RPS6KA1: variants seen among roughly 807,000 people sequenced by gnomAD.
The protein encoded by RPS6KA1 is ribosomal protein S6 kinase alpha-1.
A neutral mutation model predicts 91.3 loss-of-function variants in RPS6KA1; 48 were observed. The ratio of observed to expected loss-of-function variants is 0.53; its 90% CI spans 0.42 to 0.67. The LOEUF (loss-of-function observed/expected upper bound fraction) is 0.67, where lower values mean the gene tolerates loss of function less well. Ranked by LOEUF, RPS6KA1 falls within the 30% of genes least tolerant of loss-of-function variation. RPS6KA1 has a pLI of 0.00. For missense variants in RPS6KA1, 719 were observed against 960.5 expected (o/e 0.75, Z 3.32); for synonymous variants, 359 against 384.7 (o/e 0.93, Z 0.78).
intron 1 of RPS6KA1, chr1:26,530,806 A>G (rs1040532683): frequency 1.6e-6 from 2 of 1,288,388 alleles, no homozygotes; most frequent in Non-Finnish European, 2.0e-6. Flanking sequence ...GCAGAAGGCC[A>G]CCTCTTCCTG....
chr1:26,572,430 G>A, intron 20 of RPS6KA1, 137 bp downstream of exon 20: 1 of 649,768 alleles, frequency 1.5e-6, no homozygotes, highest in Admixed American at 2.3e-5. Context: ...ATTTCTCCAA[G>A]CGGAAGATTC....
intron 2 of RPS6KA1, chr1:26,544,308 T>A: frequency 4.6e-6 from 2 of 431,550 alleles, no homozygotes; most frequent in South Asian, 3.3e-5. Flanking sequence ...TGGGTACATG[T>A]CACATGTTAG....
intron 17 of RPS6KA1, among the ~76,000 whole-genome samples, chr1:26,569,353 A>G (rs557053035): frequency 6.6e-6 from 1 of 152,234 alleles, no homozygotes; most frequent in Non-Finnish European, 1.5e-5. Flanking sequence ...AGCCAAGCTG[A>G]GCATCCCTGA....
At chr1:26,559,489 C>G (rs935572878) in intron 14 of RPS6KA1, among the ~76,000 whole-genome samples, 4 of 152,048 alleles carry the variant, frequency 2.6e-5, no homozygotes, top group African/African-American at 9.7e-5. Flanking sequence ...GCCTCAGTCT[C>G]CCGAATAGCT....
chr1:26,573,281 G>T lies in RPS6KA1; in HGVS notation c.2005G>T (p.Val669Phe), dbSNP rs749631549. Residue 669 changes from valine (V) to phenylalanine (F), a missense_variant, in exon 21 of 22, where the codon GTT (valine) becomes TTT (phenylalanine). Transcript: ENST00000374168. ...CCACCAGCGCCTCACAGCTAAGCAGGTTCTGCAGCATCCATGGGTCACCCA... is the reference window on the plus strand; with the variant it reads ...CCACCAGCGCCTCACAGCTAAGCAGTTTCTGCAGCATCCATGGGTCACCCA... ...DPHQRLTAKQ[V>F]LQHPWVTQKD... is the part of the protein sequence containing the mutation. 2 of 1,614,094 alleles carry T rather than the reference G, an allele frequency of 1.2e-6. No individual in the cohort carries two copies. Among genetic ancestry groups the T allele is most frequent in the Non-Finnish European group, 1.7e-6 (2 of 1,180,042 alleles).
chr1:26,537,394 C>T (rs376239626), intron 2 of RPS6KA1, among the ~76,000 whole-genome samples: 5 of 152,200 alleles, frequency 3.3e-5, no homozygotes, highest in South Asian at 4.1e-4. Flanking sequence ...TGCTGGTGGC[C>T]GCTCAAGGCT....
intron 1 of RPS6KA1, chr1:26,530,679 G>C: frequency 8.6e-7 from 1 of 1,163,162 alleles, no homozygotes; most frequent in Non-Finnish European, 1.1e-6. Context: ...GGAAGGGCTG[G>C]GCCCTTGGGG....
chr1:26,555,774 C>A lies in RPS6KA1; in HGVS notation c.916+149C>A, dbSNP rs1320178012. On this transcript the variant is annotated intron_variant, in intron 11 of 21. Transcript: ENST00000374168. This position sits in a 1 kb window ranked among gnomAD's most constrained non-coding sequence, Gnocchi z 4.3. Reference sequence around the variant, plus strand: ...CGCGGGCCACCCTGCTTTCTGGCTCCATGTGTGGTGTTGTGGAGGGGGGAG... The same window carrying A: ...CGCGGGCCACCCTGCTTTCTGGCTCAATGTGTGGTGTTGTGGAGGGGGGAG... 5.2e-6 allele frequency: 4 copies of A among 774,538 alleles called. No homozygotes were observed. Among genetic ancestry groups the A allele is most frequent in the Non-Finnish European group, 8.7e-6 (4 of 459,542 alleles). The allele number at this position is 774,538 out of a possible 1,614,324, so 48.0% of individuals were successfully genotyped here.
At chr1:26,543,177 G>C in intron 2 of RPS6KA1, 1 of 1,535,724 alleles carries the variant, frequency 6.5e-7, no homozygotes, top group African/African-American at 1.4e-5. Flanking sequence ...GACCCCAGCA[G>C]ATTTCCCCAG....
At position 26,551,334 on chromosome 1, in the gene RPS6KA1, G is replaced by C; in HGVS notation, c.308-63G>C. The C allele has an allele frequency of 7.0e-7, 1 of 1,425,254 alleles. No homozygotes were observed. Among genetic ancestry groups the C allele is most frequent in the East Asian group, 2.3e-5 (1 of 43,652 alleles). The allele number at this position is 1,425,254 out of a possible 1,614,324, so 88.3% of individuals were successfully genotyped here. The stretch of plus-strand genomic sequence containing the variant: ...AAGTGGAAAAGAGATCCCTTAGCGG[G>C]GGCTTGGGAGTGGCTGTGTTGAGTG... On this transcript the variant is annotated intron_variant, in intron 4 of 21. Coordinates refer to ENST00000374168, the MANE Select transcript of RPS6KA1 (RefSeq NM_002953.4). This position sits in a 1 kb window ranked among gnomAD's most constrained non-coding sequence, Gnocchi z 4.5.
In RPS6KA1 at chr1:26,558,810, C is replaced by A; in HGVS notation, c.1088C>A (p.Ser363Tyr). The A allele has an allele frequency of 6.2e-7, 1 of 1,607,820 alleles. No individual in the cohort carries two copies. Among genetic ancestry groups the A allele is most frequent in the Non-Finnish European group, 8.5e-7 (1 of 1,175,054 alleles). Residue 363 changes from serine (S) to tyrosine (Y), a missense_variant, in exon 14 of 22, where the codon TCC (serine) becomes TAC (tyrosine). Physicochemically the swap from Ser to Tyr is moderately radical, Grantham distance 144. Around this residue, in one of 5 missense-constraint regions of RPS6KA1, gnomAD observed 228 missense variants for 247.6 expected, o/e 0.92. Transcript: ENST00000374168. This position sits in a 1 kb window ranked among gnomAD's most constrained non-coding sequence, Gnocchi z 4.0. The stretch of plus-strand genomic sequence containing the variant: ...CATTCTCCTTCCATCCGTACAGATT[C>A]CCCAGGCATCCCCCCCAGCGCTGGG... ...TEFTSRTPKDSPGIPPSAGAH... is the reference protein window; with the variant it reads ...TEFTSRTPKDYPGIPPSAGAH...
At chr1:26,553,954 T>C (rs1320500665) in intron 7 of RPS6KA1, 3 of 439,294 alleles carry the variant, frequency 6.8e-6, no homozygotes, top group Non-Finnish European at 1.2e-5. Context: ...GCTACTTAAC[T>C]GCCCTGAGCC....
intron 2 of RPS6KA1, chr1:26,546,080 G>A: frequency 6.3e-7 from 1 of 1,593,278 alleles, no homozygotes; most frequent in Non-Finnish European, 8.5e-7. Context: ...TGTGTCCCTT[G>A]CAGCAGGTGC....
chr1:26,573,117 C>G (rs2076263892), intron 20 of RPS6KA1, 107 bp from the exon 21 acceptor site: 4 of 1,227,086 alleles, frequency 3.3e-6, no homozygotes, highest in African/African-American at 1.5e-5. Context: ...GGGGCTGCCG[C>G]AAGGGTTCAG....
At chr1:26,538,614 A>G (rs916995263) in intron 2 of RPS6KA1, among the ~76,000 whole-genome samples, 9 of 152,208 alleles carry the variant, frequency 5.9e-5, no homozygotes, top group African/African-American at 1.9e-4. Context: ...ATTTAGTTCT[A>G]ACTACATCCT....
chr1:26,536,845 G>A, intron 1 of RPS6KA1, 80 bp from the exon 2 acceptor site: 1 of 1,524,792 alleles, frequency 6.6e-7, no homozygotes, highest in Non-Finnish European at 9.1e-7. Context: ...AGCACCTAAG[G>A]GTGGGGGTGC....
chr1:26,534,952 G>A (rs2075895810), intron 1 of RPS6KA1, among the ~76,000 whole-genome samples: 1 of 152,208 alleles, frequency 6.6e-6, no homozygotes, highest in African/African-American at 2.4e-5. Flanking sequence ...AGCAAATGTT[G>A]ACTGAGTGAG....
chr1:26,557,243 G>A (rs950247698), intron 13 of RPS6KA1, 143 bp downstream of exon 13: 34 of 644,048 alleles, frequency 5.3e-5, no homozygotes, highest in African/African-American at 2.0e-4. Flanking sequence ...TTCTGGCTCC[G>A]TGGGACTGAC....
intron 20 of RPS6KA1, among the ~76,000 whole-genome samples, chr1:26,572,837 A>G (rs2124674535): frequency 6.6e-6 from 1 of 152,282 alleles, no homozygotes; most frequent in South Asian, 2.1e-4. Context: ...GGGAGTGGTT[A>G]TTCCTATTTC....
Sources: allele counts gnomAD v4.1 joint callset (sites outside exome capture counted in the v4.1 genomes callset), GRCh38; gene constraint gnomAD v4.1.1; regional missense constraint gnomAD v4.1.1; non-coding constraint Gnocchi (gnomAD v3.1); transcripts MANE v1.5; gene names NCBI Gene and HGNC (gene_info 2026-07-23, HGNC 2026-07-21).